Variants in KLHL7 observed in about 807,000 individuals in gnomAD.
The protein encoded by KLHL7 is kelch like family member 7.
Under a neutral mutation model 67.4 loss-of-function variants are expected in KLHL7, and 44 were observed. The observed-to-expected ratio is 0.65, with a 90% CI of 0.51 to 0.84. The LOEUF is 0.84. Ranked by LOEUF, KLHL7 falls within the 40% of genes least tolerant of loss-of-function variation. The pLI is 0.00. For synonymous variants in KLHL7, 252 were observed against 243.3 expected (o/e 1.04, Z -0.33); for missense variants, 362 against 718.1 (o/e 0.50, Z 5.67).
chr7:23,132,749 T>C (rs1202931348), intron 4 of KLHL7, among the ~76,000 whole-genome samples: 1 of 152,194 alleles, frequency 6.6e-6, no homozygotes, highest in Non-Finnish European at 1.5e-5. Context: ...TTCTCCCCAG[T>C]GTTTTCTTGT....
At chr7:23,129,004 A>G (rs552601379) in intron 4 of KLHL7, among the ~76,000 whole-genome samples, 2 of 152,322 alleles carry the variant, frequency 1.3e-5, no homozygotes, top group Non-Finnish European at 2.9e-5. Context: ...GAATGTTTGA[A>G]TTGTTTCCAA....
intron 2 of KLHL7, 45 bp from the exon 3 acceptor site, chr7:23,124,643 T>C (rs200045169): frequency 3.4e-6 from 4 of 1,172,392 alleles, no homozygotes; most frequent in African/African-American, 1.5e-5. Flanking sequence ...TCAGTCAAAC[T>C]TGTGGTAGTA....
intron 2 of KLHL7, among the ~76,000 whole-genome samples, chr7:23,124,190 C>CAAAAAAAAAAAAAA (rs149801497): frequency 7.7e-5 from 2 of 25,868 alleles, no homozygotes; most frequent in African/African-American, 1.6e-4. Context: ...GACTCTGTCT[C>CAAAAAAAAAAAAAA]AAAAAAAAAA....
chr7:23,133,023 A>G (rs954964079), intron 4 of KLHL7, among the ~76,000 whole-genome samples: 47 of 152,264 alleles, frequency 3.1e-4, no homozygotes, highest in African/African-American at 1.1e-3. Flanking sequence ...ATGCCAGTAC[A>G]TGCTGTTTCG....
intron 1 of KLHL7, among the ~76,000 whole-genome samples, chr7:23,121,263 A>T (rs1783324639): frequency 6.6e-6 from 1 of 152,134 alleles, no homozygotes; most frequent in South Asian, 2.1e-4. Context: ...TTGACTCTAT[A>T]TCTTGGCTGT....
At chr7:23,162,466 G>A (rs1034222993) in intron 7 of KLHL7, among the ~76,000 whole-genome samples, 2 of 152,160 alleles carry the variant, frequency 1.3e-5, no homozygotes, top group Admixed American at 6.5e-5. Flanking sequence ...TGGATGCTAG[G>A]ACTGAAAGGG....
At chr7:23,158,939 T>C (rs10230879) in intron 7 of KLHL7, among the ~76,000 whole-genome samples, 141,112 of 152,250 alleles carry the variant, frequency 0.93, 65,582 homozygotes, top group East Asian at 0.99. Flanking sequence ...GGAGACTTAC[T>C]CGTAGGGTTT....
intron 7 of KLHL7, among the ~76,000 whole-genome samples, chr7:23,153,230 G>GA (rs569700642): frequency 2.0e-5 from 3 of 151,666 alleles, no homozygotes; most frequent in African/African-American, 7.3e-5. Context: ...GCGGCGGGGG[G>GA]GCTACAACGC....
Position 23,152,180 on chromosome 7 carries a change from C to CCA in KLHL7, c.910_911dup (p.Gln304HisfsTer35). 6.2e-7 allele frequency: 1 copy of CCA among 1,613,914 alleles called. No individual in the cohort carries two copies. The highest frequency in any genetic ancestry group is 8.5e-7 in the Non-Finnish European group (1 of 1,179,846). ...CATAGCCCTATTTGGAGGCTCTCAA[C>CCA]CACAGTCTTGTAGATATTTTAACCC... On this transcript the variant is annotated frameshift_variant, in exon 7 of 11. Coordinates refer to ENST00000339077, the MANE Select transcript of KLHL7 (RefSeq NM_001031710.3). LOFTEE classifies it high-confidence loss of function.
rs1782637622 is a variant in KLHL7 at position 23,106,337 on chromosome 7, G to C, written c.120+191G>C. The C allele has an allele frequency of 9.7e-6, 14 of 1,437,618 alleles. No individual in the cohort carries two copies. In the South Asian group the frequency reaches 1.8e-4, roughly 19 times the overall value. The allele number at this position is 1,437,618 out of a possible 1,614,324, so 89.1% of individuals were successfully genotyped here. A position where few individuals can be genotyped will look rare whatever the true frequency, so the allele number is the denominator to read the frequency against. ...CGCGTAAAACAATTCTCGAGCAAAAGTGCTTCTCGTCTGCCGAGGATGTAG... is the reference window on the plus strand; with the variant it reads ...CGCGTAAAACAATTCTCGAGCAAAACTGCTTCTCGTCTGCCGAGGATGTAG... On this transcript the variant is annotated intron_variant, in intron 1 of 10. Coordinates refer to ENST00000339077, the MANE Select transcript of KLHL7 (RefSeq NM_001031710.3).
At chr7:23,156,474 C>T (rs1360392044) in intron 7 of KLHL7, among the ~76,000 whole-genome samples, 1 of 152,146 alleles carries the variant, frequency 6.6e-6, no homozygotes, top group African/African-American at 2.4e-5. Context: ...ATGGTAATGT[C>T]TTACGATATT....
intron 6 of KLHL7, among the ~76,000 whole-genome samples, chr7:23,151,153 TTTTG>T (rs1301043487): frequency 6.8e-5 from 8 of 117,900 alleles, no homozygotes; most frequent in African/African-American, 2.8e-4. Flanking sequence ...TCTGGGCCTG[TTTTG>T]TTTTTTTTTT....
At chr7:23,106,714 G>T (rs1370262155) in intron 1 of KLHL7, 2 of 996,074 alleles carry the variant, frequency 2.0e-6, no homozygotes, top group Non-Finnish European at 2.4e-6. Flanking sequence ...GGCACTGTGC[G>T]CCTCTGTTAT....
Position 23,141,018 on chromosome 7 carries a change from A to T in KLHL7, c.618+74A>T, listed in dbSNP as rs191263216. ...GGTTTCTTAAAACTCATGTTTGGAC[A>T]CATGACAAGGGAAAGAGTCATATTA... is the stretch of plus-strand genomic sequence containing the variant. On this transcript the variant is annotated intron_variant, in intron 5 of 10. Transcript: ENST00000339077. 36 of 1,215,216 alleles carry T rather than the reference A, an allele frequency of 3.0e-5. No individual in the cohort carries two copies. The African/African-American group carries it at 5.2e-4, about 18-fold the overall frequency. The allele number at this position is 1,215,216 out of a possible 1,614,324, so 75.3% of individuals were successfully genotyped here.
At chr7:23,153,474 T>C (rs1269617884) in intron 7 of KLHL7, among the ~76,000 whole-genome samples, 1 of 152,202 alleles carries the variant, frequency 6.6e-6, no homozygotes, top group Non-Finnish European at 1.5e-5. Context: ...GCTACATTGT[T>C]GGTTGAAGGC....
chr7:23,146,666 C>CT (rs141759768), intron 6 of KLHL7, among the ~76,000 whole-genome samples: 52,477 of 145,666 alleles, frequency 0.36, 9,568 homozygotes, highest in African/African-American at 0.44. Flanking sequence ...TCTTCTTCTT[C>CT]TTTTTTTTTT....
At chr7:23,130,875 C>A (rs1783774438) in intron 4 of KLHL7, among the ~76,000 whole-genome samples, 1 of 152,144 alleles carries the variant, frequency 6.6e-6, no homozygotes, top group Non-Finnish European at 1.5e-5. Context: ...AATAATAGAT[C>A]AGGCATGTCT....
chr7:23,136,657 T>G (rs1783986357), intron 4 of KLHL7, among the ~76,000 whole-genome samples: 1 of 152,214 alleles, frequency 6.6e-6, no homozygotes. Flanking sequence ...GTCCCCTGAT[T>G]ACAGTGCAGT....
At chr7:23,158,028 C>T (rs1157469522) in intron 7 of KLHL7, among the ~76,000 whole-genome samples, 2 of 152,262 alleles carry the variant, frequency 1.3e-5, no homozygotes, top group Admixed American at 6.5e-5. Flanking sequence ...TGCAGTGGCA[C>T]GGCCGTGGCT....
Sources: allele counts gnomAD v4.1 joint callset (sites outside exome capture counted in the v4.1 genomes callset), GRCh38; gene constraint gnomAD v4.1.1; transcripts MANE v1.5; gene names NCBI Gene and HGNC (gene_info 2026-07-23, HGNC 2026-07-21).